LRGUK: variants seen among roughly 807,000 people sequenced by gnomAD.
The protein encoded by LRGUK is leucine-rich repeat and guanylate kinase domain-containing protein.
Under a neutral mutation model 76.0 loss-of-function variants are expected in LRGUK, and 65 were observed. The ratio of observed to expected loss-of-function variants is 0.85; its 90% CI spans 0.70 to 1.05. LRGUK has a LOEUF of 1.05. Among genes scored for constraint, LRGUK ranks in the 50% least tolerant of loss-of-function variants. The pLI, the probability that LRGUK is intolerant of heterozygous loss-of-function variation, is 0.00. For synonymous variants in LRGUK, 268 were observed against 265.6 expected (o/e 1.01, Z -0.09); for missense variants, 758 against 732.8 (o/e 1.03, Z -0.40).
At chr7:134,226,799 A>C (rs1287117117) in intron 16 of LRGUK, among the ~76,000 whole-genome samples, 1 of 152,204 alleles carries the variant, frequency 6.6e-6, no homozygotes, top group Non-Finnish European at 1.5e-5. Context: ...TAAATGATTG[A>C]CTACAGAACA....
intron 15 of LRGUK, among the ~76,000 whole-genome samples, chr7:134,218,025 A>C (rs1381433673): frequency 6.6e-6 from 1 of 152,138 alleles, no homozygotes; most frequent in East Asian, 1.9e-4. Context: ...GCGGTGGCAC[A>C]ATCTCAGCTC....
At chr7:134,198,574 C>T (rs1426799363) in intron 13 of LRGUK, among the ~76,000 whole-genome samples, 2 of 152,330 alleles carry the variant, frequency 1.3e-5, no homozygotes, top group East Asian at 3.9e-4. Flanking sequence ...ATGGCTCTTT[C>T]ATTTCACCCG....
intron 2 of LRGUK, among the ~76,000 whole-genome samples, chr7:134,138,221 C>A (rs1047526923): frequency 3.3e-5 from 5 of 152,142 alleles, no homozygotes; most frequent in African/African-American, 1.2e-4. Context: ...GTAGGTAGTG[C>A]TATGCCTTAA....
At chr7:134,142,912 A>T in intron 3 of LRGUK, 150 bp from the exon 4 acceptor site, 1 of 546,040 alleles carries the variant, frequency 1.8e-6, no homozygotes. Context: ...CATACTCCTG[A>T]TTTTATTCCT....
At chr7:134,171,219 TG>T (rs1799229171) in intron 7 of LRGUK, among the ~76,000 whole-genome samples, 2 of 151,856 alleles carry the variant, frequency 1.3e-5, no homozygotes, top group South Asian at 4.1e-4. Context: ...GTATTTATTC[TG>T]TTCCATTGAT....
intron 18 of LRGUK, among the ~76,000 whole-genome samples, chr7:134,253,222 AC>A (rs1293498894): frequency 2.0e-5 from 3 of 152,196 alleles, no homozygotes; most frequent in Non-Finnish European, 4.4e-5. Flanking sequence ...GTTTTAATCA[AC>A]CTTTGGCCAA....
intron 16 of LRGUK, among the ~76,000 whole-genome samples, chr7:134,243,462 GA>G (rs1383828603): frequency 2.6e-5 from 4 of 152,130 alleles, no homozygotes; most frequent in African/African-American, 9.7e-5. Flanking sequence ...TTGCTTCAAA[GA>G]GAATAAAATA....
intron 18 of LRGUK, among the ~76,000 whole-genome samples, chr7:134,253,705 C>G (rs529467516): frequency 5.3e-5 from 8 of 152,222 alleles, no homozygotes; most frequent in African/African-American, 1.4e-4. Context: ...GTCCCAGTTA[C>G]TGAGGAGGCT....
At chr7:134,168,220 C>A (rs998074995) in intron 7 of LRGUK, among the ~76,000 whole-genome samples, 2 of 151,984 alleles carry the variant, frequency 1.3e-5, no homozygotes, top group Admixed American at 6.6e-5. Flanking sequence ...ATAAAAAAAA[C>A]TGGGCATGGT....
chr7:134,173,485 A>T (rs1799344863), intron 7 of LRGUK, among the ~76,000 whole-genome samples: 1 of 152,246 alleles, frequency 6.6e-6, no homozygotes, highest in African/African-American at 2.4e-5. Context: ...TACACTTGAG[A>T]TAAAATTGTA....
intron 16 of LRGUK, among the ~76,000 whole-genome samples, chr7:134,235,803 C>T (rs1801999907): frequency 6.6e-6 from 1 of 152,076 alleles, no homozygotes; most frequent in African/African-American, 2.4e-5. Context: ...TTCTCTGAGT[C>T]ATTTTCTTAT....
intron 15 of LRGUK, among the ~76,000 whole-genome samples, chr7:134,220,231 C>A (rs1294462979): frequency 6.6e-6 from 1 of 152,096 alleles, no homozygotes; most frequent in Non-Finnish European, 1.5e-5. Context: ...TGTTCTATTA[C>A]CTGAAATTCT....
intron 5 of LRGUK, among the ~76,000 whole-genome samples, chr7:134,151,741 A>G (rs1212847004): frequency 6.6e-6 from 1 of 152,108 alleles, no homozygotes; most frequent in African/African-American, 2.4e-5. Context: ...TAGAAAATCT[A>G]TAAACATAAT....
At chr7:134,228,533 T>C (rs1159356459) in intron 16 of LRGUK, among the ~76,000 whole-genome samples, 2 of 152,042 alleles carry the variant, frequency 1.3e-5, no homozygotes, top group Non-Finnish European at 2.9e-5. Flanking sequence ...AAAATTAAAA[T>C]ATGGGGAATG....
chr7:134,134,307 T>C (rs1797437057), intron 1 of LRGUK, among the ~76,000 whole-genome samples: 1 of 152,104 alleles, frequency 6.6e-6, no homozygotes. Flanking sequence ...GATGACTAGG[T>C]CCAGGGCATG....
intron 2 of LRGUK, among the ~76,000 whole-genome samples, 164 bp from the exon 3 acceptor site, chr7:134,139,270 ATC>A (rs1350095201): frequency 6.6e-6 from 1 of 151,936 alleles, no homozygotes; most frequent in East Asian, 1.9e-4. Context: ...TTTTTATGGC[ATC>A]TGTTTTGAGA....
At chr7:134,200,026 A>G (rs1334722630) in intron 14 of LRGUK, among the ~76,000 whole-genome samples, 16 of 115,080 alleles carry the variant, frequency 1.4e-4, no homozygotes, top group East Asian at 3.0e-4. Context: ...ATATATATAT[A>G]TATGTATAAT....
intron 5 of LRGUK, among the ~76,000 whole-genome samples, chr7:134,154,471 C>G (rs1013865008): frequency 1.3e-5 from 2 of 152,200 alleles, no homozygotes; most frequent in African/African-American, 4.8e-5. Flanking sequence ...GCAGTGCCAC[C>G]AGGCCCACAT....
intron 1 of LRGUK, among the ~76,000 whole-genome samples, chr7:134,131,548 A>G (rs749638554): frequency 6.6e-6 from 1 of 152,198 alleles, no homozygotes; most frequent in Non-Finnish European, 1.5e-5. Flanking sequence ...GATGAGTTAC[A>G]GGTGAGAACA....
Sources: allele counts gnomAD v4.1 joint callset (sites outside exome capture counted in the v4.1 genomes callset), GRCh38; gene constraint gnomAD v4.1.1; transcripts MANE v1.5; gene names NCBI Gene and HGNC (gene_info 2026-07-23, HGNC 2026-07-21).